The following ZDHHC20 variants were observed in gnomAD, a reference collection of about 807,000 sequenced individuals.
ZDHHC20 encodes zDHHC palmitoyltransferase 20, also known as palmitoyltransferase ZDHHC20.
A neutral mutation model predicts 57.8 loss-of-function variants in ZDHHC20; 43 were observed. That is an observed-to-expected ratio of 0.74 (90% CI 0.58 to 0.96). The LOEUF (loss-of-function observed/expected upper bound fraction) is 0.96. Ranked by LOEUF, ZDHHC20 falls within the 40% of genes least tolerant of loss-of-function variation. ZDHHC20 has a pLI of 0.00. For synonymous variants in ZDHHC20, 157 were observed against 153.0 expected, an observed-to-expected ratio of 1.03 and a Z score of -0.19; for missense variants, 391 against 441.1, an observed-to-expected ratio of 0.89 and a Z score of 1.02.
At chr13:21,437,392 A>G (rs923905155) in intron 1 of ZDHHC20, among the ~76,000 whole-genome samples, 4 of 152,356 alleles carry the variant, frequency 2.6e-5, no homozygotes, top group Admixed American at 1.3e-4. Context: ...GAGCCACGCC[A>G]TATCAGTGGC....
At chr13:21,393,652 C>T (rs562968893) in intron 7 of ZDHHC20, among the ~76,000 whole-genome samples, 7 of 139,524 alleles carry the variant, frequency 5.0e-5, no homozygotes, top group South Asian at 4.5e-4. Context: ...TGCAGTGAGC[C>T]GAGATCGCAC....
chr13:21,431,649 A>G (rs1181877061), intron 1 of ZDHHC20, among the ~76,000 whole-genome samples: 1 of 152,214 alleles, frequency 6.6e-6, no homozygotes, highest in East Asian at 1.9e-4. Context: ...CAATACTTAG[A>G]ATTGACAGTT....
At chr13:21,441,293 T>C (rs1370750578) in intron 1 of ZDHHC20, among the ~76,000 whole-genome samples, 2 of 152,182 alleles carry the variant, frequency 1.3e-5, no homozygotes, top group African/African-American at 4.8e-5. Context: ...TTTCCTCTTG[T>C]GAATGTGACA....
rs573057319 is a variant in ZDHHC20 at position 21,395,384 on chromosome 13, T to C, written c.595-3530A>G. On this transcript the variant is annotated intron_variant, in intron 7 of 12. Transcript: ENST00000400590. The stretch of plus-strand genomic sequence containing the variant: ...CCCGGCCTAAATTCTTCCTATGTTA[T>C]TAAGTATGTGACCTTCGGTAGTTGC... Among the ~76,000 whole-genome samples the C allele has an allele frequency of 1.3e-4, 19 of 150,354 alleles. No homozygotes were observed. In the South Asian group the frequency reaches 4.0e-3, roughly 32 times the overall value.
chr13:21,412,450 GA>G (rs1218917178), intron 4 of ZDHHC20, among the ~76,000 whole-genome samples: 7 of 152,082 alleles, frequency 4.6e-5, no homozygotes, highest in Non-Finnish European at 8.8e-5. Flanking sequence ...AGACATAGGA[GA>G]AAACAACAAA....
intron 8 of ZDHHC20, among the ~76,000 whole-genome samples, chr13:21,388,199 A>C (rs1255069392): frequency 1.3e-5 from 2 of 152,026 alleles, no homozygotes; most frequent in African/African-American, 4.8e-5. Flanking sequence ...GAGGATGACT[A>C]GACCATTATT....
intron 4 of ZDHHC20, among the ~76,000 whole-genome samples, chr13:21,404,166 C>T (rs766543963): frequency 3.2e-4 from 49 of 152,116 alleles, no homozygotes; most frequent in South Asian, 4.1e-4. Flanking sequence ...AAACACTATG[C>T]GGAGTTTAAC....
chr13:21,414,194 T>C (rs1593231804), intron 3 of ZDHHC20, among the ~76,000 whole-genome samples: 1 of 151,948 alleles, frequency 6.6e-6, no homozygotes, highest in Admixed American at 6.6e-5. Context: ...GTCCCGCTAA[T>C]TTCTAGCCAA....
chr13:21,438,726 G>A (rs1191323910), intron 1 of ZDHHC20, among the ~76,000 whole-genome samples: 1 of 152,200 alleles, frequency 6.6e-6, no homozygotes, highest in Non-Finnish European at 1.5e-5. Flanking sequence ...GTTCTACTGT[G>A]AGTAAAATGC....
Position 21,374,572 on chromosome 13 carries a change from G to A in ZDHHC20, c.*2124C>T, listed in dbSNP as rs1593152883. 2.2e-5 allele frequency: 7 copies of A among 312,418 alleles called. No homozygotes were observed. The East Asian group carries it at 5.5e-4, about 25-fold the overall frequency. 19.4% of individuals were successfully genotyped at this position (312,418 alleles called of 1,614,324 possible). On this transcript the variant is annotated 3_prime_UTR_variant, in exon 13 of 13. Coordinates refer to ENST00000400590, the MANE Select transcript of ZDHHC20 (RefSeq NM_001330059.2). ...TCTTAAATCTCATTCTAGTTTGCTA[G>A]AATCAAGATTACTAAGGAGTTGAAA...
intron 4 of ZDHHC20, chr13:21,404,237 A>C (rs532543553): frequency 2.2e-6 from 1 of 454,142 alleles, no homozygotes; most frequent in South Asian, 1.6e-5. Context: ...GGAAATAACC[A>C]ATCTTCTTTC....
chr13:21,377,012 G>A (rs907007248), intron 12 of ZDHHC20: 3 of 167,284 alleles, frequency 1.8e-5, no homozygotes, highest in Non-Finnish European at 3.8e-5. Context: ...CTGCAGCTGA[G>A]GATTCTCAAC....
intron 1 of ZDHHC20, among the ~76,000 whole-genome samples, chr13:21,430,613 T>C (rs188819268): frequency 1.3e-5 from 2 of 152,214 alleles, no homozygotes; most frequent in East Asian, 3.9e-4. Flanking sequence ...GTCTATTGTT[T>C]TTGGCTAGAG....
chr13:21,387,468 C>T (rs1308329182), intron 9 of ZDHHC20, 40 bp downstream of exon 9: 2 of 1,422,008 alleles, frequency 1.4e-6, no homozygotes, highest in Non-Finnish European at 1.9e-6. Flanking sequence ...GAGACTACCA[C>T]AGATGCCATA....
chr13:21,418,719 G>A (rs1880295534), intron 3 of ZDHHC20, among the ~76,000 whole-genome samples: 1 of 152,176 alleles, frequency 6.6e-6, no homozygotes, highest in South Asian at 2.1e-4. Flanking sequence ...TGCTGCCTGG[G>A]CTGCAGTGCA....
Position 21,378,714 on chromosome 13 carries a change from G to A in ZDHHC20, c.1085C>T (p.Ala362Val). 3 of 1,461,798 alleles carry A rather than the reference G, an allele frequency of 2.1e-6. No individual in the cohort carries two copies. Among genetic ancestry groups the A allele is most frequent in the Non-Finnish European group, 2.7e-6 (3 of 1,099,604 alleles). 90.6% of individuals were successfully genotyped at this position (1,461,798 alleles called of 1,614,324 possible). Residue 362 changes from alanine to valine, a missense_variant, in exon 12 of 13, where the codon GCA becomes GTA. Around this residue, in one of 3 missense-constraint regions of ZDHHC20, gnomAD observed 197 missense variants for 220.8 expected, o/e 0.89. Transcript: ENST00000400590. Reference sequence around the variant, plus strand: ...AACAAGTGGTACTCAATTTTCTATTGCCACTGTTACATGGTTATTTGTCCC... The same window carrying A: ...AACAAGTGGTACTCAATTTTCTATTACCACTGTTACATGGTTATTTGTCCC... ...KSGTNNHVTV[A>V]IEN
intron 9 of ZDHHC20, 25 bp from the exon 10 acceptor site, chr13:21,383,034 T>C (rs938620517): frequency 6.5e-7 from 1 of 1,536,328 alleles, no homozygotes; most frequent in Non-Finnish European, 8.8e-7. Context: ...AGAGTAATAA[T>C]TTAAATAATG....
rs140317934 is a variant in ZDHHC20, at chr13:21,396,510, A to G, written c.594+3863T>C. Among the ~76,000 whole-genome samples, 1,039 of 152,304 alleles carry G rather than the reference A, an allele frequency of 6.8e-3. 7 individuals carry two copies. Among genetic ancestry groups the G allele is most frequent in the South Asian group, 0.013 (65 of 4,828 alleles). Reference sequence around the variant, plus strand: ...AATATAAAACTTTGATGTGACAAAAACAAAAGAAAGCAGAAATGTAAGACA... The same window carrying G: ...AATATAAAACTTTGATGTGACAAAAGCAAAAGAAAGCAGAAATGTAAGACA... On this transcript the variant is annotated intron_variant, in intron 7 of 12. Coordinates refer to ENST00000400590, the MANE Select transcript of ZDHHC20 (RefSeq NM_001330059.2).
intron 7 of ZDHHC20, among the ~76,000 whole-genome samples, chr13:21,399,517 G>T (rs1373813628): frequency 6.6e-6 from 1 of 151,844 alleles, no homozygotes; most frequent in African/African-American, 2.4e-5. Flanking sequence ...GTTTTTGGTA[G>T]TTTTTCCTCA....
Sources: allele counts gnomAD v4.1 joint callset (sites outside exome capture counted in the v4.1 genomes callset), GRCh38; gene constraint gnomAD v4.1.1; regional missense constraint gnomAD v4.1.1; transcripts MANE v1.5; gene names NCBI Gene and HGNC (gene_info 2026-07-23, HGNC 2026-07-21).